PHKB: variants seen among roughly 807,000 people sequenced by gnomAD.
PHKB encodes phosphorylase kinase regulatory subunit beta.
In PHKB, 122 loss-of-function variants were observed where a neutral mutation model predicts 152.1. The ratio of observed to expected loss-of-function variants is 0.80; its 90% CI spans 0.69 to 0.93. PHKB has a LOEUF of 0.93. Ranked by LOEUF, PHKB falls within the 40% of genes least tolerant of loss-of-function variation. The pLI is 0.00. For synonymous variants in PHKB, 436 were observed against 464.9 expected (o/e 0.94, Z 0.80); for missense variants, 1,304 against 1,328.4 (o/e 0.98, Z 0.29).
At chr16:47,565,036 T>C in intron 7 of PHKB, 1 of 401,584 alleles carries the variant, frequency 2.5e-6, no homozygotes, top group Non-Finnish European at 4.8e-6. Context: ...CTCTCTAATG[T>C]TCCAGGGTGC....
At chr16:47,507,816 C>T (rs1290501788) in intron 4 of PHKB, among the ~76,000 whole-genome samples, 1 of 152,186 alleles carries the variant, frequency 6.6e-6, no homozygotes, top group African/African-American at 2.4e-5. Flanking sequence ...GAAGCATGCA[C>T]CCAGCTCAAA....
intron 8 of PHKB, 89 bp from the exon 9 acceptor site, chr16:47,587,579 A>G (rs1305717025): frequency 2.3e-6 from 2 of 876,338 alleles, no homozygotes; most frequent in South Asian, 1.4e-5. Context: ...CAATGTCAGT[A>G]TTTTTGTGAA....
intron 20 of PHKB, among the ~76,000 whole-genome samples, chr16:47,656,405 T>G (rs2151734748): frequency 6.6e-6 from 1 of 152,344 alleles, no homozygotes; most frequent in South Asian, 2.1e-4. Flanking sequence ...AAAATATTTA[T>G]CAAAAGCAAA....
intron 6 of PHKB, among the ~76,000 whole-genome samples, chr16:47,536,000 T>G (rs974186130): frequency 1.3e-5 from 2 of 151,956 alleles, no homozygotes; most frequent in African/African-American, 4.8e-5. Flanking sequence ...TAAACTAGAG[T>G]CAGGATTGAA....
intron 8 of PHKB, among the ~76,000 whole-genome samples, 200 bp downstream of exon 8, chr16:47,580,558 T>TAA (rs57329634): frequency 1.0e-3 from 132 of 131,892 alleles, no homozygotes; most frequent in African/African-American, 3.3e-3. Flanking sequence ...TTAATTTCTT[T>TAA]AAAAAAAAAA....
intron 14 of PHKB, among the ~76,000 whole-genome samples, chr16:47,634,377 C>A (rs1200501537): frequency 6.6e-6 from 1 of 152,154 alleles, no homozygotes; most frequent in Non-Finnish European, 1.5e-5. Context: ...GGCAGTCATT[C>A]ATCAAATAGT....
intron 4 of PHKB, among the ~76,000 whole-genome samples, chr16:47,506,006 G>A (rs1371046406): frequency 7.0e-6 from 1 of 142,872 alleles, no homozygotes; most frequent in East Asian, 2.0e-4. Context: ...CCCAGCATGG[G>A]CAACAGAGGG....
intron 8 of PHKB, 72 bp downstream of exon 8, chr16:47,580,430 A>C (rs1374870018): frequency 9.1e-7 from 1 of 1,100,234 alleles, no homozygotes; most frequent in African/African-American, 1.5e-5. Context: ...ATTCATTAAC[A>C]AAGTCATTTC....
intron 13 of PHKB, among the ~76,000 whole-genome samples, chr16:47,603,276 G>T (rs1972265375): frequency 6.6e-6 from 1 of 152,122 alleles, no homozygotes; most frequent in African/African-American, 2.4e-5. Flanking sequence ...GAGTGTACAG[G>T]TATATTTTTA....
intron 14 of PHKB, among the ~76,000 whole-genome samples, chr16:47,629,469 A>G (rs1044666410): frequency 4.6e-5 from 7 of 151,908 alleles, no homozygotes; most frequent in Admixed American, 2.6e-4. Context: ...CAAAACCACA[A>G]TGAGATACCA....
chr16:47,571,479 C>A (rs559038862), intron 7 of PHKB, among the ~76,000 whole-genome samples: 2 of 152,216 alleles, frequency 1.3e-5, no homozygotes, highest in Non-Finnish European at 2.9e-5. Context: ...CTGTCGTTCC[C>A]CCTCATCCCT....
intron 1 of PHKB, among the ~76,000 whole-genome samples, chr16:47,475,314 G>A (rs1969849636): frequency 6.6e-6 from 1 of 152,072 alleles, no homozygotes; most frequent in Non-Finnish European, 1.5e-5. Context: ...GATGGAAGTT[G>A]GGACATCTCA....
At chr16:47,677,532 T>C (rs1452587267) in intron 26 of PHKB, among the ~76,000 whole-genome samples, 1 of 152,186 alleles carries the variant, frequency 6.6e-6, no homozygotes, top group Non-Finnish European at 1.5e-5. Context: ...GATGGCTGCC[T>C]TCTGTGTCCT....
At chr16:47,606,451 C>CAA (rs1383712891) in intron 13 of PHKB, among the ~76,000 whole-genome samples, 1 of 152,094 alleles carries the variant, frequency 6.6e-6, no homozygotes, top group African/African-American at 2.4e-5. Context: ...TTTAAGTGAT[C>CAA]AGTGTAGAGC....
rs1970362760 is a variant in PHKB, at chr16:47,503,702, AC to A, written c.405+614del. Among the ~76,000 whole-genome samples, 4 of 152,032 alleles carry A rather than the reference AC, an allele frequency of 2.6e-5. No individual in the cohort carries two copies. The South Asian group carries it at 8.3e-4, about 32-fold the overall frequency. On this transcript the variant is annotated intron_variant, in intron 4 of 30. Transcript: ENST00000323584. ...AAATTAGCCGGGCATGGTGGTGTGC[AC>A]CTGTAGTCTCAGCTACTCGGGAGGC...
At chr16:47,642,197 A>G (rs145371919) in intron 16 of PHKB, among the ~76,000 whole-genome samples, 8 of 152,148 alleles carry the variant, frequency 5.3e-5, no homozygotes, top group African/African-American at 1.9e-4. Flanking sequence ...GATATTCACT[A>G]CTTTCCTTTT....
intron 27 of PHKB, among the ~76,000 whole-genome samples, chr16:47,692,571 G>A (rs1974080249): frequency 1.3e-5 from 2 of 152,048 alleles, no homozygotes; most frequent in South Asian, 2.1e-4. Context: ...AGCTATGATC[G>A]AGCCATTGCA....
At chr16:47,566,034 C>T (rs542554190) in intron 7 of PHKB, 5 of 685,182 alleles carry the variant, frequency 7.3e-6, no homozygotes, top group Admixed American at 4.8e-5. Context: ...CTCACCTCCT[C>T]TGTAGTCATC....
Position 47,511,657 on chromosome 16 carries a change from C to T in PHKB, c.406-8C>T. On this transcript the variant is annotated splice_region_variant and splice_polypyrimidine_tract_variant and intron_variant, in intron 4 of 30. Transcript: ENST00000323584. ...ACTAATGTTGTTTAATTTTATATTT[C>T]ATTCTAGGTCCAGCAGTTTAAGCAG... The T allele has an allele frequency of 6.4e-7, 1 of 1,569,704 alleles. No homozygotes were observed. Among genetic ancestry groups the T allele is most frequent in the South Asian group, 1.1e-5 (1 of 90,130 alleles).
Sources: allele counts gnomAD v4.1 joint callset (sites outside exome capture counted in the v4.1 genomes callset), GRCh38; gene constraint gnomAD v4.1.1; transcripts MANE v1.5; gene names NCBI Gene and HGNC (gene_info 2026-07-23, HGNC 2026-07-21).